ITPK1: variants seen among roughly 807,000 people sequenced by gnomAD.
The protein encoded by ITPK1 is inositol 1,3,4-trisphosphate 5/6-kinase.
Under a neutral mutation model 45.3 loss-of-function variants are expected in ITPK1, and 21 were observed. That is an observed-to-expected ratio of 0.46 (90% CI 0.33 to 0.67). The LOEUF (loss-of-function observed/expected upper bound fraction) is 0.67, where lower values mean the gene tolerates loss of function less well. Ranked by LOEUF, ITPK1 falls within the 30% of genes least tolerant of loss-of-function variation. The pLI is 0.02. For missense variants in ITPK1, 474 were observed against 573.5 expected, an observed-to-expected ratio of 0.83 and a Z score of 1.77; for synonymous variants, 258 against 253.6, an observed-to-expected ratio of 1.02 and a Z score of -0.16.
At chr14:92,942,843 C>A (rs1887500585) in intron 10 of ITPK1, among the ~76,000 whole-genome samples, 1 of 152,228 alleles carries the variant, frequency 6.6e-6, no homozygotes, top group Admixed American at 6.5e-5. Context: ...GCCCTGCCTG[C>A]CTGAGCCAAC....
In ITPK1 at chr14:93,103,344, G is replaced by A. The variant is rs185835799; in HGVS notation, c.95+11725C>T. 7.8e-3 allele frequency among the ~76,000 whole-genome samples: 1,180 copies of A among 151,980 alleles called. 17 individuals carry two copies. Among genetic ancestry groups the A allele is most frequent in the African/African-American group, 0.027 (1,112 of 41,456 alleles). ...TGAGGCAGGAGAATCGCTTGAACCC[G>A]GGAGGCAGAGGTTGCAGTGAGATTG... On this transcript the variant is annotated intron_variant, in intron 2 of 10. Coordinates refer to ENST00000267615, the MANE Select transcript of ITPK1 (RefSeq NM_014216.6).
At chr14:92,984,287 C>G (rs1025858935) in intron 5 of ITPK1, among the ~76,000 whole-genome samples, 1 of 152,156 alleles carries the variant, frequency 6.6e-6, no homozygotes, top group Non-Finnish European at 1.5e-5. Flanking sequence ...CCAGAAGGCA[C>G]CCAGTCAGGG....
At chr14:92,992,959 G>C (rs1456027770) in intron 5 of ITPK1, among the ~76,000 whole-genome samples, 4 of 152,230 alleles carry the variant, frequency 2.6e-5, no homozygotes, top group Admixed American at 6.5e-5. Flanking sequence ...AATAAATGGT[G>C]GTCTCAGACT....
At chr14:92,967,902 G>T (rs1477878385) in intron 5 of ITPK1, among the ~76,000 whole-genome samples, 3 of 152,202 alleles carry the variant, frequency 2.0e-5, no homozygotes, top group Non-Finnish European at 4.4e-5. Flanking sequence ...CAGGAGCTGG[G>T]GAAGGAAGGA....
intron 4 of ITPK1, among the ~76,000 whole-genome samples, chr14:93,006,688 G>C (rs1038228686): frequency 5.4e-5 from 7 of 128,726 alleles, no homozygotes; most frequent in East Asian, 4.6e-4. Context: ...AGGCTCTCTG[G>C]GGGGGAAACT....
rs548786417 is a variant in ITPK1 at position 92,940,790 on chromosome 14, G to A, written c.*771C>T. On this transcript the variant is annotated 3_prime_UTR_variant, in exon 11 of 11. Coordinates refer to ENST00000267615, the MANE Select transcript of ITPK1 (RefSeq NM_014216.6). ...ACAAATCCTCAGCACAGGCGCCATC[G>A]GCTCGGGCCTCCAGCCAGGCAGCCT... The A allele has an allele frequency of 4.1e-5, 53 of 1,288,106 alleles. No homozygotes were observed. In the East Asian group the frequency reaches 1.9e-3, roughly 47 times the overall value. The allele number at this position is 1,288,106 out of a possible 1,614,324, so 79.8% of individuals were successfully genotyped here.
intron 9 of ITPK1, among the ~76,000 whole-genome samples, chr14:92,948,490 C>T (rs996894601): frequency 1.3e-5 from 2 of 151,684 alleles, no homozygotes; most frequent in African/African-American, 4.8e-5. Flanking sequence ...GCGTGTGCCA[C>T]CATGCCTGGC....
intron 4 of ITPK1, among the ~76,000 whole-genome samples, chr14:93,004,744 G>A (rs1176630517): frequency 6.6e-6 from 1 of 152,066 alleles, no homozygotes; most frequent in African/African-American, 2.4e-5. Flanking sequence ...GAGAGGCGTG[G>A]GGCTGACCAG....
At chr14:93,009,202 T>C (rs1887769895) in intron 4 of ITPK1, among the ~76,000 whole-genome samples, 1 of 152,236 alleles carries the variant, frequency 6.6e-6, no homozygotes, top group African/African-American at 2.4e-5. Context: ...TCAATCATGT[T>C]GAGGTTAAGA....
Position 93,071,655 on chromosome 14 carries a change from T to A in ITPK1, c.120+4940A>T, listed in dbSNP as rs771654264. On this transcript the variant is annotated intron_variant, in intron 3 of 10. Coordinates refer to ENST00000267615, the MANE Select transcript of ITPK1 (RefSeq NM_014216.6). ...CACGGCGATTAGAGATTCGCCATCATCCATTTTTAAATTACATAATCAAGC... is the reference window on the plus strand; with the variant it reads ...CACGGCGATTAGAGATTCGCCATCAACCATTTTTAAATTACATAATCAAGC... 11 of 152,360 alleles carry A rather than the reference T, an allele frequency of 7.2e-5. No individual in the cohort carries two copies. In the South Asian group the frequency reaches 1.0e-3, roughly 14 times the overall value. The allele number at this position is 152,360 out of a possible 1,614,324, so 9.4% of individuals were successfully genotyped here.
chr14:92,957,094 C>A (rs1193531243), intron 8 of ITPK1, among the ~76,000 whole-genome samples: 1 of 152,256 alleles, frequency 6.6e-6, no homozygotes, highest in Non-Finnish European at 1.5e-5. Flanking sequence ...GCAACCGCAG[C>A]ACTGCAGCCC....
intron 3 of ITPK1, chr14:93,067,816 T>C (rs1216792519): frequency 6.5e-6 from 1 of 153,366 alleles, no homozygotes; most frequent in Non-Finnish European, 1.5e-5. Flanking sequence ...CTTTGTCTTA[T>C]TTGTTATCTA....
chr14:92,962,339 ATCT>A lies in ITPK1; in HGVS notation c.504+13_504+15del, dbSNP rs1329875375. Reference sequence around the variant, plus strand: ...GATGGGGGTCAGGGACAACAGTCAGATCTTCTTCCACTCACCTCGTGAGAGTTG... The same window carrying A: ...GATGGGGGTCAGGGACAACAGTCAGATCTTCCACTCACCTCGTGAGAGTTG... On this transcript the variant is annotated intron_variant, in intron 7 of 10. Coordinates refer to ENST00000267615, the MANE Select transcript of ITPK1 (RefSeq NM_014216.6). 8.8e-6 allele frequency: 14 copies of A among 1,593,110 alleles called. No homozygotes were observed. The highest frequency in any genetic ancestry group is 1.3e-5 in the African/African-American group (1 of 74,466).
rs1888178186 is a variant in ITPK1 at position 93,016,381 on chromosome 14, A to G, written c.246+295T>C. Among the ~76,000 whole-genome samples, 1 of 152,166 alleles carries G rather than the reference A, an allele frequency of 6.6e-6. No individual in the cohort carries two copies. The highest frequency in any genetic ancestry group is 2.4e-5 in the African/African-American group (1 of 41,436). Reference sequence around the variant, plus strand: ...AGGGTTGCACATGCCTGTGCTGAGGACGTGGAGGCCACACTGGAACTCAGC... The same window carrying G: ...AGGGTTGCACATGCCTGTGCTGAGGGCGTGGAGGCCACACTGGAACTCAGC... On this transcript the variant is annotated intron_variant, in intron 4 of 10. Coordinates refer to ENST00000267615, the MANE Select transcript of ITPK1 (RefSeq NM_014216.6). This position sits in a 1 kb window ranked among gnomAD's most constrained non-coding sequence, Gnocchi z 5.0.
At position 93,046,395 on chromosome 14, in the gene ITPK1, T is replaced by C. The variant is rs953743049; in HGVS notation, c.121-29594A>G. 2.6e-5 allele frequency among the ~76,000 whole-genome samples: 4 copies of C among 152,330 alleles called. 1 individual carries two copies. The East Asian group carries it at 7.7e-4, about 29-fold the overall frequency. ...TGCACAGGGTTGGCCTGGCTCAAGC[T>C]TCCTTTCCCACATGGCCCCATGTGC... is the stretch of plus-strand genomic sequence containing the variant. On this transcript the variant is annotated intron_variant, in intron 3 of 10. Coordinates refer to ENST00000267615, the MANE Select transcript of ITPK1 (RefSeq NM_014216.6).
chr14:93,083,797 C>T (rs943234234), intron 2 of ITPK1, among the ~76,000 whole-genome samples: 1 of 152,146 alleles, frequency 6.6e-6, no homozygotes, highest in Non-Finnish European at 1.5e-5. Context: ...ACCACCTGAC[C>T]CCCCAGGTCA....
chr14:92,949,360 A>G (rs145816974), intron 9 of ITPK1, among the ~76,000 whole-genome samples: 3,053 of 152,270 alleles, frequency 0.02, 110 homozygotes, highest in African/African-American at 0.069. Flanking sequence ...TTGGCCTCCC[A>G]AAGTGTTGGG....
At chr14:92,951,911 G>C (rs1352270590) in intron 9 of ITPK1, 35 bp downstream of exon 9, 1 of 1,540,972 alleles carries the variant, frequency 6.5e-7, no homozygotes, top group Admixed American at 1.9e-5. Context: ...CGGGAGGGCA[G>C]TTTCAGGCCA....
intron 2 of ITPK1, among the ~76,000 whole-genome samples, chr14:93,102,993 G>C (rs1439124849): frequency 2.0e-5 from 3 of 151,286 alleles, no homozygotes; most frequent in Admixed American, 1.3e-4. Context: ...CCAGCTACTC[G>C]GGAGGCTGAG....
Sources: allele counts gnomAD v4.1 joint callset (sites outside exome capture counted in the v4.1 genomes callset), GRCh38; gene constraint gnomAD v4.1.1; non-coding constraint Gnocchi (gnomAD v3.1); transcripts MANE v1.5; gene names NCBI Gene and HGNC (gene_info 2026-07-23, HGNC 2026-07-21).